Variants in RBFOX1 observed in about 807,000 individuals in gnomAD.
RBFOX1 encodes RNA binding fox-1 homolog 1.
RBFOX1 carries 8 observed loss-of-function variants against 57.7 expected under a neutral mutation model. The ratio of observed to expected loss-of-function variants is 0.14; its 90% confidence interval spans 0.08 to 0.25. RBFOX1 has a LOEUF of 0.25. RBFOX1 is among the 10% of genes least tolerant of loss of function. The pLI, the probability that RBFOX1 is intolerant of heterozygous loss-of-function variation, is 1.00. For synonymous variants in RBFOX1, 326 were observed against 222.4 expected, an observed-to-expected ratio of 1.47 and a Z score of -4.15; for missense variants, 611 against 548.5, an observed-to-expected ratio of 1.11 and a Z score of -1.14.
At chr16:7,268,297 A>C (rs900126480) in intron 4 of RBFOX1, among the ~76,000 whole-genome samples, 4 of 152,218 alleles carry the variant, frequency 2.6e-5, no homozygotes, top group Non-Finnish European at 4.4e-5. Context: ...GGTGCTATTC[A>C]GGGAACGGAC....
intron 2 of RBFOX1, among the ~76,000 whole-genome samples, chr16:6,558,857 G>T (rs1018298434): frequency 2.9e-5 from 4 of 135,744 alleles, no homozygotes; most frequent in African/African-American, 1.1e-4. Context: ...AACATACCCA[G>T]CTCCTCCTGA....
chr16:6,192,078 G>T (rs770875905), intron 1 of RBFOX1, among the ~76,000 whole-genome samples: 1 of 152,172 alleles, frequency 6.6e-6, no homozygotes, highest in African/African-American at 2.4e-5. Context: ...AATTCAGCAT[G>T]AGCTGCATCT....
chr16:5,446,461 T>G (rs1485684095), intron 1 of RBFOX1, among the ~76,000 whole-genome samples: 3 of 152,204 alleles, frequency 2.0e-5, no homozygotes, highest in African/African-American at 4.8e-5. Context: ...ATTCTACCTC[T>G]TTAGCCTGTT....
At chr16:6,913,772 A>C (rs982505598) in intron 3 of RBFOX1, among the ~76,000 whole-genome samples, 4 of 152,128 alleles carry the variant, frequency 2.6e-5, no homozygotes, top group Non-Finnish European at 4.4e-5. Flanking sequence ...CCACTGTGGG[A>C]AGCTATTGAG....
At chr16:5,264,224 C>T (rs772386284) in intron 1 of RBFOX1, among the ~76,000 whole-genome samples, 1 of 151,992 alleles carries the variant, frequency 6.6e-6, no homozygotes, top group South Asian at 2.1e-4. Flanking sequence ...GAGAGCTTTA[C>T]AGTGATGATG....
chr16:7,233,197 A>G (rs1473604972), intron 4 of RBFOX1, among the ~76,000 whole-genome samples: 4 of 146,930 alleles, frequency 2.7e-5, no homozygotes, highest in East Asian at 4.2e-4. Context: ...GCTCCTGCCA[A>G]CCTTGCTAAA....
intron 3 of RBFOX1, among the ~76,000 whole-genome samples, chr16:5,686,813 C>T (rs561036441): frequency 6.6e-6 from 1 of 152,258 alleles, no homozygotes; most frequent in East Asian, 1.9e-4. Context: ...AGCAAAACTG[C>T]TTCTAGTTCT....
chr16:5,545,102 G>C (rs562285149), intron 2 of RBFOX1, among the ~76,000 whole-genome samples: 12 of 151,518 alleles, frequency 7.9e-5, no homozygotes, highest in Non-Finnish European at 1.3e-4. Context: ...TCAGCCTTCC[G>C]AGTAGCTGGG....
At chr16:6,985,978 C>A (rs78889396) in intron 3 of RBFOX1, among the ~76,000 whole-genome samples, 1 of 151,184 alleles carries the variant, frequency 6.6e-6, no homozygotes, top group African/African-American at 2.4e-5. Flanking sequence ...CCAAACTTAC[C>A]GGACGAGAGA....
chr16:7,110,056 T>G (rs1420026437), intron 4 of RBFOX1, among the ~76,000 whole-genome samples: 1 of 152,000 alleles, frequency 6.6e-6, no homozygotes, highest in East Asian at 1.9e-4. Flanking sequence ...CTGCTAATAC[T>G]AATCACTAAG....
At position 5,908,201 on chromosome 16, in the gene RBFOX1, TAC is replaced by T. The variant is rs1491524099; in HGVS notation, c.351+40872_351+40873del. 2.7e-5 allele frequency among the ~76,000 whole-genome samples: 4 copies of T among 145,956 alleles called. 1 individual carries two copies. The East Asian group carries it at 5.9e-4, about 22-fold the overall frequency. On this transcript the variant is annotated intron_variant, in intron 4 of 19. Transcript: ENST00000641259. ...ACACATATATACACATATATACATATACACACATATATATACATATATACACA... is the reference window on the plus strand; with the variant it reads ...ACACATATATACACATATATACATATACACATATATATACATATATACACA...
intron 1 of RBFOX1, among the ~76,000 whole-genome samples, chr16:5,344,963 C>T (rs566721106): frequency 9.2e-5 from 14 of 152,294 alleles, no homozygotes; most frequent in South Asian, 4.1e-4. Flanking sequence ...TCTTCTTTCC[C>T]GCAGTGTCTG....
intron 3 of RBFOX1, among the ~76,000 whole-genome samples, chr16:6,936,076 G>C (rs1033110574): frequency 5.3e-5 from 8 of 152,142 alleles, no homozygotes; most frequent in Non-Finnish European, 1.0e-4. Flanking sequence ...GGCTGACTGC[G>C]GGCATTTCCT....
intron 3 of RBFOX1, among the ~76,000 whole-genome samples, chr16:7,024,165 A>G (rs545808790): frequency 6.6e-6 from 1 of 152,226 alleles, no homozygotes; most frequent in Non-Finnish European, 1.5e-5. Context: ...AAAAGCATCT[A>G]GTAATCATTT....
At chr16:5,839,041 A>G (rs2056546513) in intron 3 of RBFOX1, among the ~76,000 whole-genome samples, 1 of 152,174 alleles carries the variant, frequency 6.6e-6, no homozygotes, top group African/African-American at 2.4e-5. Context: ...AGTAGAGGCC[A>G]GGGATATTGA....
In RBFOX1 at chr16:7,152,022, A is replaced by G. The variant is rs2076206278; in HGVS notation, c.27+99924A>G. 2.0e-5 allele frequency among the ~76,000 whole-genome samples: 3 copies of G among 152,190 alleles called. No individual in the cohort carries two copies. In the South Asian group the frequency reaches 6.2e-4, roughly 31 times the overall value. ...ACAGACCATGGACTGGTACTAGGCC[A>G]TCGCCTGAGGTTTATGGACCCCTGC... is the stretch of plus-strand genomic sequence containing the variant. On this transcript the variant is annotated intron_variant, in intron 4 of 15. Coordinates refer to ENST00000550418, the MANE Select transcript of RBFOX1 (RefSeq NM_018723.4).
Position 7,455,501 on chromosome 16 carries a change from T to C in RBFOX1, c.28-62646T>C, listed in dbSNP as rs113609832. ...TGTGGGGATAATATAAGAAATCTTA[T>C]TCACACTTGGCCGGGCACCGTGGCT... On this transcript the variant is annotated intron_variant, in intron 4 of 15. Transcript: ENST00000550418. Among the ~76,000 whole-genome samples, 1,177 of 152,196 alleles carry C rather than the reference T, an allele frequency of 7.7e-3. 17 individuals are homozygous for C. Among genetic ancestry groups the C allele is most frequent in the African/African-American group, 0.026 (1,097 of 41,520 alleles).
upstream of RBFOX1, among the ~76,000 whole-genome samples, chr16:6,017,990 C>T (rs2095007241): frequency 2.0e-5 from 3 of 152,312 alleles, no homozygotes; most frequent in Middle Eastern, 3.4e-3. Flanking sequence ...TGTCCAATGC[C>T]ACCTGCCCTT....
At chr16:7,434,537 G>A (rs1010655150) in intron 4 of RBFOX1, among the ~76,000 whole-genome samples, 1 of 151,844 alleles carries the variant, frequency 6.6e-6, no homozygotes, top group African/African-American at 2.4e-5. Context: ...GAGATGGACT[G>A]GGAAATAAGA....
Sources: allele counts gnomAD v4.1 joint callset (sites outside exome capture counted in the v4.1 genomes callset), GRCh38; gene constraint gnomAD v4.1.1; transcripts MANE v1.5; gene names NCBI Gene and HGNC (gene_info 2026-07-23, HGNC 2026-07-21).